PRPF8: variants seen among roughly 807,000 people sequenced by gnomAD.
PRPF8 encodes pre-mRNA-processing-splicing factor 8.
In PRPF8, 64 loss-of-function variants were observed where a neutral mutation model predicts 285.9. That is an observed-to-expected ratio of 0.22 (90% confidence interval 0.18 to 0.28). The LOEUF is 0.28. Among genes scored for constraint, PRPF8 ranks in the 10% least tolerant of loss-of-function variants. The pLI, the probability that PRPF8 is intolerant of heterozygous loss-of-function variation, is 1.00. For missense variants in PRPF8, 1,426 were observed against 3,026.7 expected (o/e 0.47, Z 12.41); for synonymous variants, 1,325 against 1,118.2 (o/e 1.18, Z -3.69).
Position 1,678,635 on chromosome 17 carries a change from C to T in PRPF8, c.1737G>A (p.Gln579=), listed in dbSNP as rs1178844938. ...VDAFQLADGL[Q]YIFAHVGQLT... ...ACTGCCCAACATGGGCAAATATATA[C>T]TGCAATCCATCTGCCAGCTGCAATA... The change falls in exon 13 of 43, where the codon CAG becomes CAA. Residue 579 remains glutamine, a synonymous_variant. Transcript: ENST00000304992. The T allele has an allele frequency of 1.9e-6, 3 of 1,614,228 alleles. No individual in the cohort carries two copies. Among genetic ancestry groups the T allele is most frequent in the Non-Finnish European group, 2.5e-6 (3 of 1,180,048 alleles).
rs77744327 is a variant in PRPF8 at position 1,677,758 on chromosome 17, T to C, written c.1855-64A>G. Reference sequence around the variant, plus strand: ...ATGCATTTAAACAACAATAGAAACCTGGGCAGAGGTGGGGCATATATGTAT... The same window carrying C: ...ATGCATTTAAACAACAATAGAAACCCGGGCAGAGGTGGGGCATATATGTAT... On this transcript the variant is annotated intron_variant, in intron 13 of 42. Transcript: ENST00000304992. 2.2e-3 allele frequency: 3,577 copies of C among 1,594,954 alleles called. 8 individuals carry two copies. The highest frequency in any genetic ancestry group is 2.8e-3 in the Non-Finnish European group (3,260 of 1,163,892).
rs771072260 is a variant in PRPF8 at position 1,661,888 on chromosome 17, C to T, written c.4022+18G>A. 21 of 1,614,144 alleles carry T rather than the reference C, an allele frequency of 1.3e-5. No homozygotes were observed. The highest frequency in any genetic ancestry group is 1.7e-5 in the Non-Finnish European group (20 of 1,180,038). ...GCCTGAGCAATAGGGTTTAGAAATA[C>T]GTTGAACCAGGCTGTACCTGAGGTC... On this transcript the variant is annotated intron_variant, in intron 25 of 42. Transcript: ENST00000304992. The surrounding 1 kb of genome is among the most constrained non-coding windows in gnomAD (Gnocchi z 7.3).
rs908358438 is a variant in PRPF8 at position 1,653,858 on chromosome 17, T to C, written c.6146A>G (p.Lys2049Arg). The change falls in exon 38 of 43, where the codon AAG (lysine) becomes AGG (arginine). Residue 2049 changes from lysine (K) to arginine (R), a missense_variant. Lys to Arg is a conservative substitution (Grantham distance 26). Transcript: ENST00000304992. This position sits in a 1 kb window ranked among gnomAD's most constrained non-coding sequence, Gnocchi z 4.9. ...LTATQTRTVN[K>R]HGDEIITSTT... ...GGAGGTGATGATCTCATCGCCATGC[T>C]TGTTGACAGTGCGAGTCTGTGTTGC... The C allele has an allele frequency of 5.0e-6, 8 of 1,614,038 alleles. No homozygotes were observed. Among genetic ancestry groups the C allele is most frequent in the African/African-American group, 1.3e-5 (1 of 74,908 alleles).
rs1912955791 is a variant in PRPF8 at position 1,681,986 on chromosome 17, T to C, written c.487A>G (p.Arg163Gly). 1 of 1,613,938 alleles carries C rather than the reference T, an allele frequency of 6.2e-7. No individual in the cohort carries two copies. The highest frequency in any genetic ancestry group is 8.5e-7 in the Non-Finnish European group (1 of 1,179,980). Residue 163 changes from arginine (R) to glycine (G), a missense_variant, in exon 5 of 43, where the codon AGG becomes GGG. Coordinates refer to ENST00000304992, the MANE Select transcript of PRPF8 (RefSeq NM_006445.4). ...TCATCAAAAGGGGGAAAACGCATCC[T>C]CTTGAAATGCCTCCTATCTCTTTTT... The part of the protein sequence containing the change: ...REKRDRRHFK[R>G]MRFPPFDDEE...
Position 1,650,960 on chromosome 17 carries a change from CGG to C in PRPF8, c.6854-6_6854-5del, listed in dbSNP as rs747203293. The C allele has an allele frequency of 6.2e-7, 1 of 1,614,148 alleles. No homozygotes were observed. Among genetic ancestry groups the C allele is most frequent in the Admixed American group, 1.7e-5 (1 of 60,026 alleles). ...ATGTTGGGGTCATGCCGAACACCTT[CGG>C]GGAGAAGGAAACAGCCAATGTTAAC... On this transcript the variant is annotated splice_region_variant and splice_polypyrimidine_tract_variant and intron_variant, in intron 42 of 42. Transcript: ENST00000304992.
Position 1,669,452 on chromosome 17 carries a change from A to T in PRPF8, c.3774+3629T>A, listed in dbSNP as rs561005954. Among the ~76,000 whole-genome samples, 4 of 152,226 alleles carry T rather than the reference A, an allele frequency of 2.6e-5. No individual in the cohort carries two copies. The South Asian group carries it at 8.3e-4, about 32-fold the overall frequency. On this transcript the variant is annotated intron_variant, in intron 24 of 42. Transcript: ENST00000304992. ...CACTCAACTGCTACTGGGCTCCTTA[A>T]TTAAAACACGCTCAAGTCACTGTCA...
Position 1,659,871 on chromosome 17 carries a change from A to T in PRPF8, c.4916T>A (p.Val1639Asp). 1 of 1,614,174 alleles carries T rather than the reference A, an allele frequency of 6.2e-7. No homozygotes were observed. Among genetic ancestry groups the T allele is most frequent in the Non-Finnish European group, 8.5e-7 (1 of 1,180,040 alleles). The stretch of plus-strand genomic sequence containing the variant: ...GTCAGCCAGCAATGAGGGCCGGGAG[A>T]CATTCCACTTATAGGAGGCAAAGAG... ...ILLFASYKWNVSRPSLLADSK... is the reference protein window; with the variant it reads ...ILLFASYKWNDSRPSLLADSK... Residue 1639 changes from valine to aspartate, a missense_variant, in exon 31 of 43, where the codon GTC (valine) becomes GAC (aspartate). By Grantham distance (152) the Val-to-Asp change is radical. Transcript: ENST00000304992. The surrounding 1 kb of genome is among the most constrained non-coding windows in gnomAD (Gnocchi z 5.1).
In PRPF8 at chr17:1,651,899, A is replaced by T; in HGVS notation, c.6370-111T>A. On this transcript the variant is annotated intron_variant, in intron 39 of 42. Coordinates refer to ENST00000304992, the MANE Select transcript of PRPF8 (RefSeq NM_006445.4). The surrounding 1 kb of genome is among the most constrained non-coding windows in gnomAD (Gnocchi z 5.1). The stretch of plus-strand genomic sequence containing the variant: ...CCAAGAACGAGGACAGAGTTTCTTA[A>T]AACGTGATCAGAACCCCCTGTATCA... 7.3e-7 allele frequency: 1 copy of T among 1,373,650 alleles called. No homozygotes were observed. Among genetic ancestry groups the T allele is most frequent in the South Asian group, 1.2e-5 (1 of 86,112 alleles). 85.1% of individuals were successfully genotyped at this position (1,373,650 alleles called of 1,614,324 possible). A position where few individuals can be genotyped will look rare whatever the true frequency, so the allele number is the denominator to read the frequency against.
intron 21 of PRPF8, among the ~76,000 whole-genome samples, chr17:1,674,213 G>A (rs1467069636): frequency 1.3e-5 from 2 of 151,998 alleles, no homozygotes; most frequent in South Asian, 2.1e-4. Context: ...TAGTAGAGAC[G>A]GGGTTTCACT....
Position 1,651,486 on chromosome 17 carries a change from A to T in PRPF8, c.6578T>A (p.Val2193Asp). The change falls in exon 41 of 43, where the codon GTC (valine) becomes GAC (aspartate). Residue 2193 changes from valine (V) to aspartate (D), a missense_variant. Physicochemically the swap from Val to Asp is radical, Grantham distance 152 (BLOSUM62 -3). Coordinates refer to ENST00000304992, the MANE Select transcript of PRPF8 (RefSeq NM_006445.4). The surrounding 1 kb of genome is among the most constrained non-coding windows in gnomAD (Gnocchi z 5.1). ...AGCCATGATCTTGGCATGGGTGGTGACATCCTGGGGTGATAACTGCGGGGA... is the reference window on the plus strand; with the variant it reads ...AGCCATGATCTTGGCATGGGTGGTGTCATCCTGGGGTGATAACTGCGGGGA... ...NESPQLSPQD[V>D]TTHAKIMADN... 6.2e-7 allele frequency: 1 copy of T among 1,614,144 alleles called. No homozygotes were observed. Among genetic ancestry groups the T allele is most frequent in the Non-Finnish European group, 8.5e-7 (1 of 1,180,022 alleles).
In PRPF8 at chr17:1,674,576, C is replaced by T; in HGVS notation, c.3165G>A (p.Leu1055=). The T allele has an allele frequency of 6.2e-7, 1 of 1,614,140 alleles. No homozygotes were observed. Residue 1055 remains leucine, a synonymous_variant, in exon 21 of 43, where the codon TTG becomes TTA. Transcript: ENST00000304992. ...GLVMDLLVLG[L]HRASEMAGPP... is the part of the protein sequence containing the mutation. Reference sequence around the variant, plus strand: ...GCCCAGCCATCTCACTGGCCCGGTGCAATCCCAATACAAGCAAATCCATCA... The same window carrying T: ...GCCCAGCCATCTCACTGGCCCGGTGTAATCCCAATACAAGCAAATCCATCA...
rs1911178608 is a variant in PRPF8, at chr17:1,653,201, A to T, written c.6369+341T>A. The stretch of plus-strand genomic sequence containing the variant: ...GTGATCCACCCACCTAGGCCTCCCA[A>T]AGTGCTGGGATTATAGGCATTAGCC... On this transcript the variant is annotated intron_variant, in intron 39 of 42. Transcript: ENST00000304992. This position sits in a 1 kb window ranked among gnomAD's most constrained non-coding sequence, Gnocchi z 4.9. The T allele has an allele frequency of 1.6e-5, 7 of 429,696 alleles. No homozygotes were observed. Among genetic ancestry groups the T allele is most frequent in the Non-Finnish European group, 3.0e-5 (7 of 229,752 alleles). 26.6% of individuals were successfully genotyped at this position (429,696 alleles called of 1,614,324 possible).
chr17:1,658,209 A>T lies in PRPF8; in HGVS notation c.5505+44T>A, dbSNP rs752392551. On this transcript the variant is annotated intron_variant, in intron 34 of 42. Transcript: ENST00000304992. This position sits in a 1 kb window ranked among gnomAD's most constrained non-coding sequence, Gnocchi z 4.1. ...TTACCAAGTCCACCCCAAGAATAAG[A>T]GGCAACATGGTTCTACAGCCTCTTC... The T allele has an allele frequency of 2.0e-5, 32 of 1,613,384 alleles. No homozygotes were observed. The South Asian group carries it at 3.4e-4, about 17-fold the overall frequency.
intron 24 of PRPF8, among the ~76,000 whole-genome samples, chr17:1,671,850 CAAAA>C (rs1225346730): frequency 6.0e-5 from 3 of 49,818 alleles, no homozygotes; most frequent in African/African-American, 2.2e-4. Context: ...GACTCCATCT[CAAAA>C]AAAAAAAAAA....
chr17:1,684,329 A>G (rs1701822374), intron 2 of PRPF8, 143 bp downstream of exon 2: 2 of 865,002 alleles, frequency 2.3e-6, no homozygotes, highest in Non-Finnish European at 3.8e-6. Flanking sequence ...CGCGCTTAAA[A>G]TGACTTGATG....
Position 1,678,758 on chromosome 17 carries a change from T to C in PRPF8, c.1719+4A>G, listed in dbSNP as rs774567975. ...AGGCAGGGGTTGGGAATACCTAACC[T>C]TACCTGGAAGGCATCCACATTGCCC... On this transcript the variant is annotated splice_donor_region_variant and intron_variant, in intron 12 of 42. Coordinates refer to ENST00000304992, the MANE Select transcript of PRPF8 (RefSeq NM_006445.4). 9 of 1,614,040 alleles carry C rather than the reference T, an allele frequency of 5.6e-6. No homozygotes were observed. In the Middle Eastern group the frequency reaches 6.6e-4, roughly 118 times the overall value.
chr17:1,664,451 A>T (rs1911843896), intron 24 of PRPF8, among the ~76,000 whole-genome samples: 1 of 152,192 alleles, frequency 6.6e-6, no homozygotes, highest in Middle Eastern at 3.2e-3. Context: ...AATACAGATT[A>T]ACAGATATTT....
chr17:1,653,346 T>A lies in PRPF8; in HGVS notation c.6369+196A>T. The A allele has an allele frequency of 1.4e-6, 1 of 700,386 alleles. No homozygotes were observed. Among genetic ancestry groups the A allele is most frequent in the Non-Finnish European group, 2.5e-6 (1 of 400,306 alleles). The allele number at this position is 700,386 out of a possible 1,614,324, so 43.4% of individuals were successfully genotyped here. ...ACTATCAGGCCAATACTACAATTAC[T>A]ACCTTCTCTCAGCTGCCACAGCTTT... On this transcript the variant is annotated intron_variant, in intron 39 of 42. Coordinates refer to ENST00000304992, the MANE Select transcript of PRPF8 (RefSeq NM_006445.4). This position sits in a 1 kb window ranked among gnomAD's most constrained non-coding sequence, Gnocchi z 4.9.
chr17:1,658,893 C>G lies in PRPF8; in HGVS notation c.5139-130G>C, dbSNP rs930962142. ...ACAACACTCTGCTCATGTGTACATACAGGCTGGAGAAGAGAATCAGTGACC... is the reference window on the plus strand; with the variant it reads ...ACAACACTCTGCTCATGTGTACATAGAGGCTGGAGAAGAGAATCAGTGACC... On this transcript the variant is annotated intron_variant, in intron 32 of 42. Coordinates refer to ENST00000304992, the MANE Select transcript of PRPF8 (RefSeq NM_006445.4). The surrounding 1 kb of genome is among the most constrained non-coding windows in gnomAD (Gnocchi z 4.1). 2 of 824,860 alleles carry G rather than the reference C, an allele frequency of 2.4e-6. No individual in the cohort carries two copies. Among genetic ancestry groups the G allele is most frequent in the Non-Finnish European group, 4.1e-6 (2 of 484,054 alleles). The allele number at this position is 824,860 out of a possible 1,614,324, so 51.1% of individuals were successfully genotyped here.
Sources: allele counts gnomAD v4.1 joint callset (sites outside exome capture counted in the v4.1 genomes callset), GRCh38; gene constraint gnomAD v4.1.1; non-coding constraint Gnocchi (gnomAD v3.1); transcripts MANE v1.5; gene names NCBI Gene and HGNC (gene_info 2026-07-23, HGNC 2026-07-21).